Variants in TFAP2D observed in about 807,000 individuals in gnomAD.
TFAP2D encodes the protein transcription factor AP-2 delta.
In TFAP2D, 9 loss-of-function variants were observed where a neutral mutation model predicts 43.6. The observed-to-expected ratio is 0.21, with a 90% CI of 0.12 to 0.36. The LOEUF is 0.36. TFAP2D is among the 10% of genes least tolerant of loss of function. The probability of loss-of-function intolerance (pLI) is 1.00; values close to 1 mark genes in which losing one functional copy is unlikely to be tolerated. For synonymous variants in TFAP2D, 256 were observed against 224.9 expected, an observed-to-expected ratio of 1.14 and a Z score of -1.24; for missense variants, 513 against 561.4, an observed-to-expected ratio of 0.91 and a Z score of 0.87.
chr6:50,719,069 A>C, intron 2 of TFAP2D, 21 bp from the exon 3 acceptor site: 1 of 1,612,206 alleles, frequency 6.2e-7, no homozygotes, highest in South Asian at 1.1e-5. Context: ...AAGTAATTTT[A>C]TTTCTGTTTC....
chr6:50,767,731 G>A (rs893758732), intron 7 of TFAP2D, among the ~76,000 whole-genome samples: 1 of 152,152 alleles, frequency 6.6e-6, no homozygotes, highest in African/African-American at 2.4e-5. Context: ...TAGGAATAAC[G>A]GTCATGTTTG....
chr6:50,733,444 G>A (rs1452370728), intron 5 of TFAP2D, among the ~76,000 whole-genome samples: 3 of 151,896 alleles, frequency 2.0e-5, no homozygotes, highest in African/African-American at 7.3e-5. Flanking sequence ...AAATACAGTG[G>A]CTTGGATTTG....
At chr6:50,753,452 C>G (rs1769225100) in intron 7 of TFAP2D, among the ~76,000 whole-genome samples, 1 of 151,918 alleles carries the variant, frequency 6.6e-6, no homozygotes, top group Admixed American at 6.6e-5. Flanking sequence ...CCACAGAACT[C>G]TTTAGAGAAA....
In TFAP2D at chr6:50,751,274, A is replaced by T; in HGVS notation, c.1089A>T (p.Arg363Ser). The change falls in exon 7 of 8, where the codon AGA becomes AGT. Residue 363 changes from arginine to serine, a missense_variant. Transcript: ENST00000008391. ...ATAGATCACCACTGGGATCCTCCAG[A>T]CCCACTCCAATTCTAGACCTTGACA... is the stretch of plus-strand genomic sequence containing the variant. ...SQDRSPLGSS[R>S]PTPILDLDIQ... 1 of 1,611,700 alleles carries T rather than the reference A, an allele frequency of 6.2e-7. No homozygotes were observed. The highest frequency in any genetic ancestry group is 1.1e-5 in the South Asian group (1 of 91,028).
intron 7 of TFAP2D, among the ~76,000 whole-genome samples, chr6:50,771,311 C>T (rs1010758182): frequency 2.6e-5 from 4 of 152,160 alleles, no homozygotes; most frequent in Non-Finnish European, 5.9e-5. Context: ...CATAGCTACC[C>T]TTTTAAGCAA....
intron 7 of TFAP2D, among the ~76,000 whole-genome samples, chr6:50,753,636 A>G (rs1684898891): frequency 6.6e-6 from 1 of 151,936 alleles, no homozygotes; most frequent in African/African-American, 2.4e-5. Flanking sequence ...TTGGAGGTAT[A>G]AAACTCACAA....
At chr6:50,728,441 A>T (rs1420741454) in intron 3 of TFAP2D, among the ~76,000 whole-genome samples, 1 of 152,222 alleles carries the variant, frequency 6.6e-6, no homozygotes, top group African/African-American at 2.4e-5. Context: ...AAACATTTCC[A>T]TCCATTGTGT....
intron 5 of TFAP2D, among the ~76,000 whole-genome samples, chr6:50,732,590 G>A (rs1310511419): frequency 6.6e-6 from 1 of 151,952 alleles, no homozygotes; most frequent in Admixed American, 6.6e-5. Context: ...GCCTCTTTGT[G>A]GGGAAGATTT....
intron 7 of TFAP2D, among the ~76,000 whole-genome samples, chr6:50,768,274 T>TC (rs1554158196): frequency 1.6e-5 from 1 of 64,074 alleles, no homozygotes; most frequent in Non-Finnish European, 3.4e-5. Flanking sequence ...TCTAATTTTC[T>TC]TTTTTTTTTT....
chr6:50,723,396 A>G (rs1307421910), intron 3 of TFAP2D, among the ~76,000 whole-genome samples: 2 of 152,210 alleles, frequency 1.3e-5, no homozygotes, highest in African/African-American at 4.8e-5. Flanking sequence ...GGATTCTTTC[A>G]GCAGCTCCTG....
chr6:50,766,495 G>T (rs1769443279), intron 7 of TFAP2D, among the ~76,000 whole-genome samples: 1 of 151,946 alleles, frequency 6.6e-6, no homozygotes, highest in South Asian at 2.1e-4. Context: ...ATGAACACAG[G>T]TTATCGCTTT....
At chr6:50,769,176 G>A (rs926373775) in intron 7 of TFAP2D, among the ~76,000 whole-genome samples, 4 of 152,164 alleles carry the variant, frequency 2.6e-5, no homozygotes, top group Non-Finnish European at 5.9e-5. Context: ...TTACAGGCAT[G>A]AGCCACTGCG....
rs537660502 is a variant in TFAP2D at position 50,771,015 on chromosome 6, G to T, written c.1140-1630G>T. 6.6e-5 allele frequency among the ~76,000 whole-genome samples: 10 copies of T among 152,186 alleles called. No individual in the cohort carries two copies. In the South Asian group the frequency reaches 2.1e-3, roughly 32 times the overall value. On this transcript the variant is annotated intron_variant, in intron 7 of 7. Transcript: ENST00000008391. Reference sequence around the variant, plus strand: ...ACAGTTAACATAAGTGAACAATCTGGGTAGCTTCTGTTCACAAGAAGACTA... The same window carrying T: ...ACAGTTAACATAAGTGAACAATCTGTGTAGCTTCTGTTCACAAGAAGACTA...
chr6:50,764,929 A>T (rs79612956), intron 7 of TFAP2D, among the ~76,000 whole-genome samples: 1,604 of 152,318 alleles, frequency 0.011, 20 homozygotes, highest in Admixed American at 0.014. Context: ...TGGTGACAAC[A>T]CTTAAGATAT....
chr6:50,719,274 A>G, intron 3 of TFAP2D, 124 bp downstream of exon 3: 1 of 1,018,544 alleles, frequency 9.8e-7, no homozygotes, highest in Non-Finnish European at 1.5e-6. Flanking sequence ...TGCTTAGTCA[A>G]TTATTCTAGT....
intron 3 of TFAP2D, among the ~76,000 whole-genome samples, chr6:50,719,367 A>AGGAG (rs1239570226): frequency 2.0e-5 from 3 of 152,100 alleles, no homozygotes; most frequent in Non-Finnish European, 4.4e-5. Context: ...GACTTGTGAT[A>AGGAG]GGAGATATTT....
At chr6:50,761,610 A>T (rs1769365512) in intron 7 of TFAP2D, among the ~76,000 whole-genome samples, 1 of 152,160 alleles carries the variant, frequency 6.6e-6, no homozygotes, top group African/African-American at 2.4e-5. Context: ...GATTCCATAG[A>T]AGGTTGCTTC....
intron 7 of TFAP2D, among the ~76,000 whole-genome samples, chr6:50,757,322 A>G (rs1201234222): frequency 7.2e-6 from 1 of 139,560 alleles, no homozygotes; most frequent in Non-Finnish European, 1.5e-5. Context: ...TATATTCTCT[A>G]TAGATATATA....
intron 5 of TFAP2D, among the ~76,000 whole-genome samples, chr6:50,731,821 C>T (rs928225243): frequency 6.6e-6 from 1 of 151,984 alleles, no homozygotes; most frequent in African/African-American, 2.4e-5. Context: ...CAGCAAGATG[C>T]CATGTTCTGA....
Sources: gnomAD v4.1 joint callset for allele counts (sites outside exome capture counted in the v4.1 genomes callset) on GRCh38, gnomAD v4.1.1 for gene constraint, MANE v1.5 for transcripts, NCBI Gene and HGNC (gene_info 2026-07-23, HGNC 2026-07-21) for gene names.